EVC: variants seen among roughly 807,000 people sequenced by gnomAD.
EVC encodes the protein evC complex member EVC.
Under a neutral mutation model 118.9 loss-of-function variants are expected in EVC, and 116 were observed. The observed-to-expected ratio is 0.98, with a 90% CI of 0.84 to 1.14. The LOEUF (loss-of-function observed/expected upper bound fraction) is 1.14. Ranked by LOEUF, EVC falls within the 50% of genes most tolerant of loss-of-function variation. The pLI is 0.00. For synonymous variants in EVC, 619 were observed against 534.7 expected (o/e 1.16, Z -2.18); for missense variants, 1,401 against 1,246.4 (o/e 1.12, Z -1.87).
chr4:5,767,231 C>A (rs1733038557), intron 11 of EVC, among the ~76,000 whole-genome samples: 1 of 152,040 alleles, frequency 6.6e-6, no homozygotes, highest in Admixed American at 6.5e-5. Context: ...GGTTCAGGGA[C>A]CCACTTGAGG....
At chr4:5,752,164 G>A (rs1408768788) in intron 8 of EVC, among the ~76,000 whole-genome samples, 5 of 152,074 alleles carry the variant, frequency 3.3e-5, no homozygotes, top group Non-Finnish European at 4.4e-5. Flanking sequence ...CTGTGCCGAG[G>A]GAGATGCCAA....
At chr4:5,729,892 G>A (rs1560292472) in intron 3 of EVC, among the ~76,000 whole-genome samples, 2 of 152,338 alleles carry the variant, frequency 1.3e-5, no homozygotes, top group South Asian at 2.1e-4. Flanking sequence ...CTGAGGTCAC[G>A]TGACAGGAAG....
At position 5,798,647 on chromosome 4, in the gene EVC, A is replaced by G. The variant is rs375793050; in HGVS notation, c.2159A>G (p.Gln720Arg). ...GAGGAAGCACAGCAGACACGGCTGC[A>G]GCTCCAGCAGCGGCTCCTGGCCGAG... Reference protein sequence around the residue: ...LEEEAQQTRLQLQQRLLAEAQ... With the variant: ...LEEEAQQTRLRLQQRLLAEAQ... The change falls in exon 15 of 21, where the codon CAG (glutamine) becomes CGG (arginine). Residue 720 changes from glutamine (Q) to arginine (R), a missense_variant. By Grantham distance (43) the Gln-to-Arg change is conservative. Transcript: ENST00000264956. This position sits in a 1 kb window ranked among gnomAD's most constrained non-coding sequence, Gnocchi z 4.1. The G allele has an allele frequency of 2.5e-6, 4 of 1,595,146 alleles. No individual in the cohort carries two copies. The highest frequency in any genetic ancestry group is 3.4e-6 in the Non-Finnish European group (4 of 1,172,668).
intron 1 of EVC, among the ~76,000 whole-genome samples, chr4:5,713,533 C>T (rs1723393307): frequency 6.6e-6 from 1 of 152,102 alleles, no homozygotes; most frequent in Non-Finnish European, 1.5e-5. Flanking sequence ...CAAAAATTAG[C>T]TGGCATAGTG....
intron 3 of EVC, among the ~76,000 whole-genome samples, chr4:5,730,956 G>A (rs554859266): frequency 1.2e-4 from 19 of 152,004 alleles, no homozygotes; most frequent in Non-Finnish European, 2.6e-4. Context: ...GATTAGGAGC[G>A]TGGAGCCTGT....
chr4:5,732,735 G>GA (rs113513504), intron 4 of EVC, among the ~76,000 whole-genome samples: 26,375 of 152,178 alleles, frequency 0.17, 3,126 homozygotes, highest in African/African-American at 0.34. Context: ...TTGAGGTTGG[G>GA]CACCATGGCT....
chr4:5,783,304 G>C (rs1022423675), intron 11 of EVC, among the ~76,000 whole-genome samples: 2 of 152,052 alleles, frequency 1.3e-5, no homozygotes, highest in African/African-American at 4.8e-5. Flanking sequence ...ACATGTGCAT[G>C]TGTCTGTGTG....
In EVC at chr4:5,733,365, T is replaced by A. The variant is rs982677323; in HGVS notation, c.632T>A (p.Leu211Gln). The change falls in exon 5 of 21, where the codon CTG (leucine) becomes CAG (glutamine). Residue 211 changes from leucine to glutamine, a missense_variant. Physicochemically the swap from Leu to Gln is moderately radical, Grantham distance 113. Transcript: ENST00000264956. ...TTATTTTGCAGTGTAGACGTTGACC[T>A]GTGTATCTACAGCCTTCACTTAAAA... is the stretch of plus-strand genomic sequence containing the variant. ...VLACESVDVDLCIYSLHLKDL... is the reference protein window; with the variant it reads ...VLACESVDVDQCIYSLHLKDL... 1 of 1,613,914 alleles carries A rather than the reference T, an allele frequency of 6.2e-7. No individual in the cohort carries two copies. Among genetic ancestry groups the A allele is most frequent in the Non-Finnish European group, 8.5e-7 (1 of 1,179,794 alleles).
rs1715560375 is a variant in EVC at position 5,804,606 on chromosome 4, T to C, written c.2450-124T>C. ...ACACAATGCCCTGTCCCTGTGCTGG[T>C]GGAAGGATACACTCTTGGAGAGCTG... On this transcript the variant is annotated intron_variant, in intron 16 of 20. Coordinates refer to ENST00000264956, the MANE Select transcript of EVC (RefSeq NM_153717.3). 1.0e-5 allele frequency: 8 copies of C among 784,090 alleles called. No homozygotes were observed. In the South Asian group the frequency reaches 1.2e-4, roughly 11 times the overall value. 48.6% of individuals were successfully genotyped at this position (784,090 alleles called of 1,614,324 possible). A position where few individuals can be genotyped will look rare whatever the true frequency, so the allele number is the denominator to read the frequency against.
At chr4:5,718,980 C>G (rs1372039784) in intron 1 of EVC, among the ~76,000 whole-genome samples, 1 of 152,178 alleles carries the variant, frequency 6.6e-6, no homozygotes, top group Non-Finnish European at 1.5e-5. Flanking sequence ...TGCCTCAAGT[C>G]CTGAGGGTGC....
chr4:5,748,076 C>A, intron 7 of EVC, 72 bp from the exon 8 acceptor site: 2 of 1,519,200 alleles, frequency 1.3e-6, no homozygotes, highest in Non-Finnish European at 1.8e-6. Context: ...TTGTAATTCC[C>A]GAGCACGCAC....
At chr4:5,723,264 C>G (rs1577335686) in intron 2 of EVC, among the ~76,000 whole-genome samples, 1 of 151,512 alleles carries the variant, frequency 6.6e-6, no homozygotes, top group Non-Finnish European at 1.5e-5. Context: ...ATCTCGGCTC[C>G]CTGCAACCTC....
downstream of EVC, among the ~76,000 whole-genome samples, chr4:5,816,483 C>T (rs779421919): frequency 5.3e-5 from 8 of 152,156 alleles, no homozygotes; most frequent in African/African-American, 9.7e-5. Flanking sequence ...ACAGCCTGGG[C>T]CCCAGGACTT....
intron 5 of EVC, among the ~76,000 whole-genome samples, chr4:5,733,761 T>C (rs1482485789): frequency 1.3e-5 from 2 of 152,188 alleles, no homozygotes; most frequent in Non-Finnish European, 2.9e-5. Flanking sequence ...AAAGGAATGA[T>C]AATAATGATA....
In EVC at chr4:5,754,903, C is replaced by T. The variant is rs1730930716; in HGVS notation, c.1464+970C>T. On this transcript the variant is annotated intron_variant, in intron 10 of 20. Transcript: ENST00000264956. The surrounding 1 kb of genome is among the most constrained non-coding windows in gnomAD (Gnocchi z 5.8). ...TTGGTACAGCACATCTCAGTTCTGC[C>T]AAGGGGTGGGTGGCACCATGTCTGG... 6.6e-6 allele frequency among the ~76,000 whole-genome samples: 1 copy of T among 152,104 alleles called. No individual in the cohort carries two copies. Among genetic ancestry groups the T allele is most frequent in the African/African-American group, 2.4e-5 (1 of 41,430 alleles).
At chr4:5,782,307 T>C (rs1356371608) in intron 11 of EVC, among the ~76,000 whole-genome samples, 2 of 150,936 alleles carry the variant, frequency 1.3e-5, no homozygotes, top group South Asian at 2.1e-4. Flanking sequence ...ACTCCCAACC[T>C]CAGGTGATCT....
At position 5,769,540 on chromosome 4, in the gene EVC, G is replaced by A. The variant is rs189596950; in HGVS notation, c.1563+13178G>A. Among the ~76,000 whole-genome samples, 368 of 152,236 alleles carry A rather than the reference G, an allele frequency of 2.4e-3. 3 individuals are homozygous for A. The highest frequency in any genetic ancestry group is 3.6e-3 in the Non-Finnish European group (246 of 68,024). Reference sequence around the variant, plus strand: ...CACTTGGGATGGATGCTGTGCGATCGCGTGAGCTCTGTGGCTCGGCACCTC... The same window carrying A: ...CACTTGGGATGGATGCTGTGCGATCACGTGAGCTCTGTGGCTCGGCACCTC... On this transcript the variant is annotated intron_variant, in intron 11 of 20. Transcript: ENST00000264956.
rs187476036 is a variant in EVC at position 5,758,325 on chromosome 4, G to A, written c.1563+1963G>A. The A allele has an allele frequency of 1.9e-4, 103 of 542,174 alleles. No homozygotes were observed. In the East Asian group the frequency reaches 2.8e-3, roughly 15 times the overall value. 33.6% of individuals were successfully genotyped at this position (542,174 alleles called of 1,614,324 possible). A position where few individuals can be genotyped will look rare whatever the true frequency, so the allele number is the denominator to read the frequency against. On this transcript the variant is annotated intron_variant, in intron 11 of 20. Transcript: ENST00000264956. Reference sequence around the variant, plus strand: ...TGTCTTAATGCACCCAGTTTGCGGCGCTTTGTCATGGCAGCCACAGGAAAC... The same window carrying A: ...TGTCTTAATGCACCCAGTTTGCGGCACTTTGTCATGGCAGCCACAGGAAAC...
chr4:5,808,782 C>A (rs1716425154), intron 18 of EVC, among the ~76,000 whole-genome samples: 1 of 152,126 alleles, frequency 6.6e-6, no homozygotes, highest in African/African-American at 2.4e-5. Flanking sequence ...ACAGAAAATC[C>A]CATTTGTGTG....
Sources: gnomAD v4.1 joint callset for allele counts (sites outside exome capture counted in the v4.1 genomes callset) on GRCh38, gnomAD v4.1.1 for gene constraint, Gnocchi (gnomAD v3.1) non-coding constraint, MANE v1.5 for transcripts, NCBI Gene and HGNC (gene_info 2026-07-23, HGNC 2026-07-21) for gene names.